The following XPNPEP1 variants were observed in gnomAD, a reference collection of about 807,000 sequenced individuals.
The protein encoded by XPNPEP1 is X-prolyl aminopeptidase 1, also known as xaa-Pro aminopeptidase 1.
Under a neutral mutation model 92.4 loss-of-function variants are expected in XPNPEP1, and 39 were observed. The ratio of observed to expected loss-of-function variants is 0.42; its 90% confidence interval spans 0.33 to 0.55. The LOEUF is 0.55. Ranked by LOEUF, XPNPEP1 falls within the 20% of genes least tolerant of loss-of-function variation. The probability of loss-of-function intolerance (pLI) is 0.08; values close to 1 mark genes in which losing one functional copy is unlikely to be tolerated. For missense variants in XPNPEP1, 654 were observed against 856.1 expected (o/e 0.76, Z 2.95); for synonymous variants, 307 against 299.4 (o/e 1.03, Z -0.26).
chr10:109,871,902 G>A, intron 16 of XPNPEP1, 41 bp from the exon 17 acceptor site: 1 of 1,595,176 alleles, frequency 6.3e-7, no homozygotes, highest in Non-Finnish European at 8.6e-7. Flanking sequence ...AATGGGGACA[G>A]ATGTCTAATC....
intron 5 of XPNPEP1, 86 bp from the exon 6 acceptor site, chr10:109,888,681 T>C (rs984792345): frequency 3.5e-5 from 38 of 1,095,508 alleles, no homozygotes; most frequent in Non-Finnish European, 1.9e-5. Flanking sequence ...TCTAACATCA[T>C]GATAGCAGGG....
At chr10:109,912,485 G>A (rs1013177898) in intron 2 of XPNPEP1, among the ~76,000 whole-genome samples, 1 of 152,212 alleles carries the variant, frequency 6.6e-6, no homozygotes, top group South Asian at 2.1e-4. Flanking sequence ...GAAAACAGGT[G>A]ATGGAAAGTG....
chr10:109,910,303 G>T (rs905421788), intron 2 of XPNPEP1, among the ~76,000 whole-genome samples: 2 of 152,122 alleles, frequency 1.3e-5, no homozygotes, highest in Admixed American at 1.3e-4. Context: ...CCAGCACTTC[G>T]TGAGGCCAAG....
chr10:109,907,737 G>T lies in XPNPEP1; in HGVS notation c.200C>A (p.Thr67Asn). Residue 67 changes from threonine (T) to asparagine (N), a missense_variant, in exon 3 of 21, where the codon ACC becomes AAC. Thr to Asn is a moderately conservative substitution (Grantham distance 65). Transcript: ENST00000502935. ...RQAMRNSEYV[T>N]EPIQAYIIPS... Reference sequence around the variant, plus strand: ...GATGATGTAGGCCTGGATCGGTTCGGTCACATACTCAGAGTTCCTCATGGC... The same window carrying T: ...GATGATGTAGGCCTGGATCGGTTCGTTCACATACTCAGAGTTCCTCATGGC... 1 of 1,614,248 alleles carries T rather than the reference G, an allele frequency of 6.2e-7. No individual in the cohort carries two copies. The highest frequency in any genetic ancestry group is 2.2e-5 in the East Asian group (1 of 44,890).
intron 3 of XPNPEP1, chr10:109,893,345 T>C: frequency 3.0e-6 from 1 of 331,346 alleles, no homozygotes; most frequent in Non-Finnish European, 5.5e-6. Context: ...AGATAAAAAC[T>C]GCTCTTTCTT....
At chr10:109,916,770 G>T (rs1427049873) in intron 1 of XPNPEP1, among the ~76,000 whole-genome samples, 2 of 152,074 alleles carry the variant, frequency 1.3e-5, no homozygotes, top group Admixed American at 1.3e-4. Context: ...AATATAAAAA[G>T]GATCATCATC....
intron 2 of XPNPEP1, among the ~76,000 whole-genome samples, chr10:109,912,447 TG>T (rs1045550401): frequency 6.6e-6 from 1 of 152,164 alleles, no homozygotes; most frequent in African/African-American, 2.4e-5. Context: ...CAGTGGGCCC[TG>T]GTGGTTGAGG....
chr10:109,868,565 T>C (rs746557694), intron 20 of XPNPEP1, 49 bp downstream of exon 20: 2 of 1,434,184 alleles, frequency 1.4e-6, no homozygotes, highest in Non-Finnish European at 2.0e-6. Context: ...TTTAAGGTAG[T>C]CTCCACCTCC....
rs765880398 is a variant in XPNPEP1 at position 109,884,068 on chromosome 10, T to G, written c.829A>C (p.Met277Leu). 1 of 1,613,304 alleles carries G rather than the reference T, an allele frequency of 6.2e-7. No homozygotes were observed. The highest frequency in any genetic ancestry group is 1.1e-5 in the South Asian group (1 of 90,894). Residue 277 changes from methionine to leucine, a missense_variant and splice_region_variant, in exon 9 of 21, where the codon ATG becomes CTG. Coordinates refer to ENST00000502935, the MANE Select transcript of XPNPEP1 (RefSeq NM_020383.4). Reference protein sequence around the residue: ...SYAIIGLETIMLFIDGDRIDA... With the variant: ...SYAIIGLETILLFIDGDRIDA... Reference sequence around the variant, plus strand: ...TCCAGATGCAGGGCAAACACTCACATGATCGTCTCTAGTCCTATGATTGCG... The same window carrying G: ...TCCAGATGCAGGGCAAACACTCACAGGATCGTCTCTAGTCCTATGATTGCG...
chr10:109,897,502 T>TATTCATTTCC (rs1386546624), intron 3 of XPNPEP1, among the ~76,000 whole-genome samples: 1 of 152,212 alleles, frequency 6.6e-6, no homozygotes, highest in African/African-American at 2.4e-5. Flanking sequence ...TCAATAACTG[T>TATTCATTTCC]ATTCATTTCC....
intron 1 of XPNPEP1, among the ~76,000 whole-genome samples, chr10:109,921,988 T>G (rs1271210131): frequency 6.6e-6 from 1 of 152,224 alleles, no homozygotes; most frequent in Non-Finnish European, 1.5e-5. Flanking sequence ...AAGCGGATAC[T>G]GAATAAATCA....
At chr10:109,922,436 C>T (rs576997568) in intron 1 of XPNPEP1, among the ~76,000 whole-genome samples, 18 of 152,216 alleles carry the variant, frequency 1.2e-4, no homozygotes, top group Non-Finnish European at 2.2e-4. Flanking sequence ...AAGTTCTCCA[C>T]CCCTCCCACA....
intron 18 of XPNPEP1, 144 bp downstream of exon 18, chr10:109,870,587 G>T: frequency 9.4e-7 from 1 of 1,058,454 alleles, no homozygotes; most frequent in Non-Finnish European, 1.3e-6. Context: ...AAATGAACAT[G>T]TATCAGTTCT....
intron 2 of XPNPEP1, among the ~76,000 whole-genome samples, chr10:109,914,792 C>T (rs1327233184): frequency 4.3e-5 from 5 of 115,866 alleles, no homozygotes; most frequent in Non-Finnish European, 6.5e-5. Context: ...GGCGAGACTC[C>T]GTCTCAAAAA....
At chr10:109,895,304 C>T (rs1848926091) in intron 3 of XPNPEP1, among the ~76,000 whole-genome samples, 1 of 152,196 alleles carries the variant, frequency 6.6e-6, no homozygotes, top group Non-Finnish European at 1.5e-5. Context: ...CTGGACTCTT[C>T]CATTCAGGGA....
At chr10:109,880,060 G>A in intron 12 of XPNPEP1, 128 bp downstream of exon 12, 1 of 823,974 alleles carries the variant, frequency 1.2e-6, no homozygotes, top group Middle Eastern at 3.5e-4. Flanking sequence ...TTAAAATAGA[G>A]CCCAAAAATT....
intron 3 of XPNPEP1, among the ~76,000 whole-genome samples, chr10:109,895,183 A>T (rs1848918517): frequency 6.6e-6 from 1 of 152,234 alleles, no homozygotes; most frequent in African/African-American, 2.4e-5. Context: ...ATACACAGTG[A>T]GGGCACTCTC....
intron 1 of XPNPEP1, among the ~76,000 whole-genome samples, chr10:109,920,198 T>TG (rs1187562431): frequency 6.6e-6 from 1 of 152,170 alleles, no homozygotes; most frequent in African/African-American, 2.4e-5. Context: ...GAAGTAGACA[T>TG]GCAGTGTTGG....
chr10:109,867,899 C>T lies in XPNPEP1; in HGVS notation c.1872+715G>A, dbSNP rs1317213634. Among the ~76,000 whole-genome samples, 1 of 152,178 alleles carries T rather than the reference C, an allele frequency of 6.6e-6. No homozygotes were observed. Among genetic ancestry groups the T allele is most frequent in the Non-Finnish European group, 1.5e-5 (1 of 68,036 alleles). On this transcript the variant is annotated intron_variant, in intron 20 of 20. Transcript: ENST00000502935. This position sits in a 1 kb window ranked among gnomAD's most constrained non-coding sequence, Gnocchi z 4.5. Reference sequence around the variant, plus strand: ...TGTCTAGTGCTAACAGTTCCTACCCCATTTCTGACCCTTGTTTCTGCTCTG... The same window carrying T: ...TGTCTAGTGCTAACAGTTCCTACCCTATTTCTGACCCTTGTTTCTGCTCTG...
Sources: gnomAD v4.1 joint callset for allele counts (sites outside exome capture counted in the v4.1 genomes callset) on GRCh38, gnomAD v4.1.1 for gene constraint, Gnocchi (gnomAD v3.1) non-coding constraint, MANE v1.5 for transcripts, NCBI Gene and HGNC (gene_info 2026-07-23, HGNC 2026-07-21) for gene names.